Variants in CRPPA observed in about 807,000 individuals in gnomAD.
The protein encoded by CRPPA is D-ribitol-5-phosphate cytidylyltransferase.
A neutral mutation model predicts 52.0 loss-of-function variants in CRPPA; 43 were observed. The ratio of observed to expected loss-of-function variants is 0.83; its 90% confidence interval spans 0.65 to 1.07. CRPPA has a LOEUF of 1.07. CRPPA is among the 50% of genes least tolerant of loss of function. CRPPA has a pLI of 0.00. For missense variants in CRPPA, 629 were observed against 551.7 expected, an observed-to-expected ratio of 1.14 and a Z score of -1.40; for synonymous variants, 250 against 203.5, an observed-to-expected ratio of 1.23 and a Z score of -1.94.
chr7:16,293,533 C>T (rs372731556), intron 5 of CRPPA, among the ~76,000 whole-genome samples: 71 of 151,986 alleles, frequency 4.7e-4, no homozygotes, highest in African/African-American at 1.7e-3. Context: ...TGTCTGAACA[C>T]CTTGCAATAG....
chr7:16,219,134 A>G (rs969269013), intron 8 of CRPPA, among the ~76,000 whole-genome samples: 6 of 152,036 alleles, frequency 3.9e-5, no homozygotes, highest in African/African-American at 1.4e-4. Flanking sequence ...CAGGATTAAG[A>G]ATCTCACTCA....
chr7:16,400,728 C>T (rs1278063702), intron 2 of CRPPA, among the ~76,000 whole-genome samples: 1 of 152,218 alleles, frequency 6.6e-6, no homozygotes, highest in Non-Finnish European at 1.5e-5. Flanking sequence ...TGACACGTGA[C>T]CAACACCTGT....
At chr7:16,229,654 A>G (rs1207453781) in intron 8 of CRPPA, among the ~76,000 whole-genome samples, 1 of 152,170 alleles carries the variant, frequency 6.6e-6, no homozygotes, top group African/African-American at 2.4e-5. Flanking sequence ...CCTTCAAACT[A>G]GTGATAAAAA....
chr7:16,253,218 T>A (rs1296453035), intron 8 of CRPPA, among the ~76,000 whole-genome samples: 1 of 152,228 alleles, frequency 6.6e-6, no homozygotes, highest in East Asian at 1.9e-4. Context: ...TTTAGATCTT[T>A]CCTGCTTTCT....
At chr7:16,303,731 T>C (rs1404011444) in intron 4 of CRPPA, among the ~76,000 whole-genome samples, 1 of 152,172 alleles carries the variant, frequency 6.6e-6, no homozygotes, top group Admixed American at 6.5e-5. Context: ...TATAAAAATA[T>C]CTGAAGAGAA....
intron 3 of CRPPA, among the ~76,000 whole-genome samples, chr7:16,343,584 T>C (rs1446617217): frequency 6.6e-6 from 1 of 152,158 alleles, no homozygotes; most frequent in African/African-American, 2.4e-5. Flanking sequence ...TTGGAGGCAT[T>C]TGCAAAAACA....
chr7:16,362,166 T>G (rs557058204), intron 3 of CRPPA, among the ~76,000 whole-genome samples: 112 of 152,340 alleles, frequency 7.4e-4, no homozygotes, highest in African/African-American at 2.7e-3. Context: ...CAAAATAACT[T>G]TTTAAAAGAG....
At position 16,283,504 on chromosome 7, in the gene CRPPA, A is replaced by T. The variant is rs906883013; in HGVS notation, c.836-5278T>A. On this transcript the variant is annotated intron_variant, in intron 5 of 9. Coordinates refer to ENST00000407010, the MANE Select transcript of CRPPA (RefSeq NM_001101426.4). ...ATAGATACGTAGATCTATATATATAAAAATGATACTATCTATGTGTATATA... is the reference window on the plus strand; with the variant it reads ...ATAGATACGTAGATCTATATATATATAAATGATACTATCTATGTGTATATA... Among the ~76,000 whole-genome samples, 12 of 144,284 alleles carry T rather than the reference A, an allele frequency of 8.3e-5. No homozygotes were observed. In the South Asian group the frequency reaches 8.7e-4, roughly 10 times the overall value. 94.7% of individuals were successfully genotyped at this position (144,284 alleles called of 152,430 possible). A position where few individuals can be genotyped will look rare whatever the true frequency, so the allele number is the denominator to read the frequency against.
At chr7:16,214,507 T>C (rs963088295) in intron 9 of CRPPA, among the ~76,000 whole-genome samples, 1 of 151,600 alleles carries the variant, frequency 6.6e-6, no homozygotes, top group Non-Finnish European at 1.5e-5. Context: ...CAAAAAAGAT[T>C]TTTTTTTTGA....
intron 9 of CRPPA, among the ~76,000 whole-genome samples, chr7:16,179,657 C>G (rs533821212): frequency 6.6e-6 from 1 of 152,142 alleles, no homozygotes; most frequent in East Asian, 1.9e-4. Flanking sequence ...GGCTGACACC[C>G]TGGATTTTAG....
At chr7:16,396,848 C>T (rs1044946411) in intron 2 of CRPPA, among the ~76,000 whole-genome samples, 2 of 152,102 alleles carry the variant, frequency 1.3e-5, no homozygotes, top group African/African-American at 4.8e-5. Flanking sequence ...GTATGTGACA[C>T]GTAATGGAAG....
intron 3 of CRPPA, among the ~76,000 whole-genome samples, chr7:16,313,925 T>C (rs1159145358): frequency 6.6e-6 from 1 of 151,976 alleles, no homozygotes; most frequent in Non-Finnish European, 1.5e-5. Context: ...GCCCAGAAAG[T>C]GGTCTATCTT....
At chr7:16,384,855 C>T (rs1290526657) in intron 2 of CRPPA, among the ~76,000 whole-genome samples, 1 of 152,136 alleles carries the variant, frequency 6.6e-6, no homozygotes, top group East Asian at 1.9e-4. Flanking sequence ...GAGAAGGCCC[C>T]ACCCATATAT....
intron 9 of CRPPA, among the ~76,000 whole-genome samples, chr7:16,157,231 G>A (rs188192129): frequency 6.7e-6 from 1 of 148,294 alleles, no homozygotes; most frequent in Non-Finnish European, 1.5e-5. Context: ...AAATTCATAA[G>A]CTTATTGCTA....
intron 2 of CRPPA, among the ~76,000 whole-genome samples, chr7:16,389,911 T>TCCAAAAAAAAAAAAAAAAAAA (rs1562673584): frequency 3.2e-4 from 1 of 3,150 alleles, no homozygotes; most frequent in African/African-American, 2.5e-3. Context: ...AAGCCTAGTA[T>TCCAAAAAAAAAAAAAAAAAAA]ACAAAAAAAA....
intron 3 of CRPPA, among the ~76,000 whole-genome samples, chr7:16,327,657 A>C (rs6973038): frequency 0.45 from 66,851 of 149,062 alleles, 15,373 homozygotes; most frequent in South Asian, 0.59. Flanking sequence ...ACTGTCAAGG[A>C]GATACACATG....
intron 6 of CRPPA, among the ~76,000 whole-genome samples, chr7:16,259,683 A>T (rs1166248886): frequency 6.6e-6 from 1 of 151,956 alleles, no homozygotes; most frequent in Non-Finnish European, 1.5e-5. Context: ...TATGAACAAA[A>T]ACTTAAGAAT....
At chr7:16,270,310 G>C (rs1199423257) in intron 6 of CRPPA, 1 of 151,944 alleles carries the variant, frequency 6.6e-6, no homozygotes, top group Admixed American at 6.6e-5. Flanking sequence ...TATTTCAACA[G>C]GTTCCTGTAT....
intron 8 of CRPPA, among the ~76,000 whole-genome samples, chr7:16,234,309 G>T (rs1035252301): frequency 1.3e-5 from 2 of 152,010 alleles, no homozygotes; most frequent in Admixed American, 1.3e-4. Context: ...ATACTTCAAA[G>T]GTTAATACTA....
Sources: gnomAD v4.1 joint callset for allele counts (sites outside exome capture counted in the v4.1 genomes callset) on GRCh38, gnomAD v4.1.1 for gene constraint, MANE v1.5 for transcripts, NCBI Gene and HGNC (gene_info 2026-07-23, HGNC 2026-07-21) for gene names.